The following NRG4 variants were observed in gnomAD, a reference collection of about 807,000 sequenced individuals.
NRG4 encodes pro-neuregulin-4, membrane-bound isoform.
A neutral mutation model predicts 15.0 loss-of-function variants in NRG4; 10 were observed. The ratio of observed to expected loss-of-function variants is 0.67; its 90% CI spans 0.41 to 1.13. The LOEUF (loss-of-function observed/expected upper bound fraction) is 1.13, where lower values mean the gene tolerates loss of function less well. Ranked by LOEUF, NRG4 falls within the 50% of genes most tolerant of loss-of-function variation. The pLI is 0.00. For missense variants in NRG4, 139 were observed against 140.2 expected, an observed-to-expected ratio of 0.99 and a Z score of 0.04; for synonymous variants, 41 against 50.1, an observed-to-expected ratio of 0.82 and a Z score of 0.77.
chr15:75,968,585 TAAAAA>T (rs71140190), intron 3 of NRG4, among the ~76,000 whole-genome samples: 8 of 99,136 alleles, frequency 8.1e-5, no homozygotes, highest in African/African-American at 3.2e-4. Flanking sequence ...AAACTCCATC[TAAAAA>T]AAAAAAAAAA....
chr15:75,980,383 ATTTTTTT>A (rs5813815), intron 3 of NRG4, among the ~76,000 whole-genome samples: 1 of 142,294 alleles, frequency 7.0e-6, no homozygotes, highest in African/African-American at 2.6e-5. Flanking sequence ...TTCTTTGGGG[ATTTTTTT>A]TTTTTTTTTT....
chr15:75,965,106 G>A (rs1298178263), intron 3 of NRG4, among the ~76,000 whole-genome samples: 1 of 151,790 alleles, frequency 6.6e-6, no homozygotes, highest in East Asian at 1.9e-4. Flanking sequence ...GGCGCCTGCA[G>A]TCCCAGCTAC....
At chr15:75,935,817 C>T (rs905710381), downstream of NRG4, 2 of 151,434 alleles carry the variant, frequency 1.3e-5, no homozygotes, top group Non-Finnish European at 2.9e-5. Context: ...AGACGGAGTC[C>T]CGCTCTTTAG....
At chr15:76,042,969 A>C (rs2035781465) in intron 4 of NRG4, among the ~76,000 whole-genome samples, 1 of 152,176 alleles carries the variant, frequency 6.6e-6, no homozygotes, top group African/African-American at 2.4e-5. Context: ...TGACCAAGTG[A>C]GATTTATCCC....
intron 2 of NRG4, among the ~76,000 whole-genome samples, chr15:76,009,939 A>G (rs2034747596): frequency 6.6e-6 from 1 of 152,180 alleles, no homozygotes; most frequent in Non-Finnish European, 1.5e-5. Flanking sequence ...CAAATCTTTC[A>G]GAATATTAAG....
At chr15:75,980,081 T>G (rs1247779223) in intron 3 of NRG4, among the ~76,000 whole-genome samples, 2 of 152,198 alleles carry the variant, frequency 1.3e-5, no homozygotes, top group Non-Finnish European at 2.9e-5. Context: ...TTTCACCTGA[T>G]AAGCTTTTAG....
rs1425091147 is a variant in NRG4 at position 75,947,629 on chromosome 15, T to C, written c.332-3975A>G. ...GTATACAAATATCTGTTTGAGTCCA[T>C]TCTTTCATTTCTTTTAGATGTATAC... On this transcript the variant is annotated intron_variant, in intron 5 of 5. Coordinates refer to ENST00000394907, the MANE Select transcript of NRG4 (RefSeq NM_138573.4). Among the ~76,000 whole-genome samples, 3 of 152,366 alleles carry C rather than the reference T, an allele frequency of 2.0e-5. No homozygotes were observed. The East Asian group carries it at 5.8e-4, about 29-fold the overall frequency.
At chr15:76,015,460 A>G (rs1482444105), upstream of NRG4, among the ~76,000 whole-genome samples, 1 of 152,226 alleles carries the variant, frequency 6.6e-6, no homozygotes, top group African/African-American at 2.4e-5. Flanking sequence ...CCCATTCAGT[A>G]TGATATTGGC....
chr15:76,039,465 C>T (rs1303141650), intron 4 of NRG4, among the ~76,000 whole-genome samples: 2 of 152,182 alleles, frequency 1.3e-5, no homozygotes, highest in East Asian at 3.9e-4. Flanking sequence ...GTGAAAAATG[C>T]AATTGACATA....
chr15:76,009,721 T>C (rs551099929), intron 2 of NRG4, among the ~76,000 whole-genome samples: 122 of 152,262 alleles, frequency 8.0e-4, no homozygotes, highest in African/African-American at 2.8e-3. Context: ...TATCTGAAAT[T>C]GCAGCTGGTA....
chr15:76,042,942 A>G (rs1237415992), intron 4 of NRG4, among the ~76,000 whole-genome samples: 3 of 152,298 alleles, frequency 2.0e-5, no homozygotes, highest in South Asian at 2.1e-4. Flanking sequence ...ACAACATACT[A>G]AAAATATCAT....
downstream of NRG4, chr15:75,938,257 T>C (rs1251683566): frequency 6.6e-6 from 1 of 151,944 alleles, no homozygotes. Flanking sequence ...TGGAAAACTC[T>C]CAAAACAAAT....
At chr15:76,048,950 CAGG>C (rs2035935594) in intron 4 of NRG4, among the ~76,000 whole-genome samples, 1 of 150,340 alleles carries the variant, frequency 6.7e-6, no homozygotes, top group South Asian at 2.1e-4. Context: ...GAGGCTGAGG[CAGG>C]AGAATGGCTT....
At position 75,941,276 on chromosome 15, in the gene NRG4, AACAC is replaced by A. The variant is rs1290207544; in HGVS notation, c.*2358_*2361del. The A allele has an allele frequency of 2.0e-5, 3 of 152,210 alleles. No homozygotes were observed. The highest frequency in any genetic ancestry group is 2.1e-4 in the South Asian group (1 of 4,830). 9.4% of individuals were successfully genotyped at this position (152,210 alleles called of 1,614,324 possible). A position where few individuals can be genotyped will look rare whatever the true frequency, so the allele number is the denominator to read the frequency against. On this transcript the variant is annotated 3_prime_UTR_variant, in exon 6 of 6. Transcript: ENST00000394907. ...GGATAGCTCTTATTAAAATTAAAAAAACACACAAGTGTTGGCAAGGATGTGGAGA... is the reference window on the plus strand; with the variant it reads ...GGATAGCTCTTATTAAAATTAAAAAAACAAGTGTTGGCAAGGATGTGGAGA...
intron 5 of NRG4, among the ~76,000 whole-genome samples, chr15:76,022,137 T>G (rs1160437032): frequency 2.0e-5 from 3 of 152,208 alleles, no homozygotes; most frequent in African/African-American, 7.2e-5. Flanking sequence ...TAGGCCACAG[T>G]CTGGTACTGG....
intron 3 of NRG4, among the ~76,000 whole-genome samples, chr15:75,988,417 C>T (rs770646037): frequency 6.6e-6 from 1 of 152,154 alleles, no homozygotes; most frequent in Non-Finnish European, 1.5e-5. Context: ...GAACTCCTGA[C>T]CTCAAATGAT....
At chr15:76,051,655 C>G (rs980288365) in intron 4 of NRG4, among the ~76,000 whole-genome samples, 1 of 149,714 alleles carries the variant, frequency 6.7e-6, no homozygotes. Flanking sequence ...GCTCCGCCTC[C>G]GGGGTTCATG....
chr15:76,008,556 G>A (rs924543532), intron 3 of NRG4, among the ~76,000 whole-genome samples: 5 of 152,108 alleles, frequency 3.3e-5, no homozygotes, highest in African/African-American at 4.8e-5. Flanking sequence ...ACTAAAAGAC[G>A]TTTATTATAT....
intron 3 of NRG4, among the ~76,000 whole-genome samples, chr15:76,001,504 G>A (rs2034416305): frequency 6.6e-6 from 1 of 152,096 alleles, no homozygotes; most frequent in Admixed American, 6.6e-5. Flanking sequence ...AGTCACACTA[G>A]CCACATTTCA....
Sources: gnomAD v4.1 joint callset for allele counts (sites outside exome capture counted in the v4.1 genomes callset) on GRCh38, gnomAD v4.1.1 for gene constraint, MANE v1.5 for transcripts, NCBI Gene and HGNC (gene_info 2026-07-23, HGNC 2026-07-21) for gene names.